Variants in CSMD1 observed in about 807,000 individuals in gnomAD.
CSMD1 encodes CUB and sushi domain-containing protein 1.
In CSMD1, 213 loss-of-function variants were observed where a neutral mutation model predicts 417.5. The ratio of observed to expected loss-of-function variants is 0.51; its 90% CI spans 0.46 to 0.57. CSMD1 has a LOEUF of 0.57. CSMD1 is among the 20% of genes least tolerant of loss of function. CSMD1 has a pLI of 0.00. For missense variants in CSMD1, 6,923 were observed against 4,529.7 expected, an observed-to-expected ratio of 1.53 and a Z score of -15.17; for synonymous variants, 2,862 against 1,736.8, an observed-to-expected ratio of 1.65 and a Z score of -16.11.
At chr8:3,681,085 C>T (rs1254865742) in intron 7 of CSMD1, among the ~76,000 whole-genome samples, 2 of 152,130 alleles carry the variant, frequency 1.3e-5, no homozygotes, top group Non-Finnish European at 2.9e-5. Context: ...CAATATCATA[C>T]TGAATGGGCA....
intron 53 of CSMD1, among the ~76,000 whole-genome samples, 167 bp downstream of exon 53, chr8:2,999,791 C>T (rs947074142): frequency 3.9e-5 from 6 of 151,982 alleles, no homozygotes; most frequent in Admixed American, 2.6e-4. Context: ...AAAAGGAAAG[C>T]GTGAACATGG....
intron 3 of CSMD1, among the ~76,000 whole-genome samples, chr8:4,322,469 G>C (rs74516786): frequency 0.017 from 2,522 of 152,212 alleles, 42 homozygotes; most frequent in Middle Eastern, 0.075. Flanking sequence ...ATAGCTCTTA[G>C]GGATTAAAAG....
At chr8:2,948,906 T>A (rs1802431730) in intron 68 of CSMD1, among the ~76,000 whole-genome samples, 2 of 151,868 alleles carry the variant, frequency 1.3e-5, no homozygotes, top group South Asian at 4.1e-4. Flanking sequence ...TATATAAATA[T>A]ATATATGTAT....
intron 5 of CSMD1, among the ~76,000 whole-genome samples, chr8:3,850,055 C>G (rs531874110): frequency 6.6e-6 from 1 of 152,166 alleles, no homozygotes; most frequent in Non-Finnish European, 1.5e-5. Context: ...CTCAGCCTCT[C>G]AAAGTGTTGG....
chr8:4,351,484 A>G (rs1282443791), intron 3 of CSMD1, among the ~76,000 whole-genome samples: 1 of 152,228 alleles, frequency 6.6e-6, no homozygotes, highest in African/African-American at 2.4e-5. Flanking sequence ...TACTGTGCCA[A>G]ATTTATAGAT....
intron 2 of CSMD1, among the ~76,000 whole-genome samples, chr8:4,459,068 G>C (rs1222517043): frequency 6.6e-6 from 1 of 152,254 alleles, no homozygotes; most frequent in East Asian, 1.9e-4. Flanking sequence ...AGGAAAACTA[G>C]ATTCTCTCTA....
At chr8:3,540,958 G>T (rs2117563920) in intron 10 of CSMD1, among the ~76,000 whole-genome samples, 1 of 152,342 alleles carries the variant, frequency 6.6e-6, no homozygotes, top group East Asian at 1.9e-4. Flanking sequence ...AACCATTGTG[G>T]AGGACAGTGT....
At position 4,083,665 on chromosome 8, in the gene CSMD1, C is replaced by G. The variant is rs911058828; in HGVS notation, c.416-51566G>C. Among the ~76,000 whole-genome samples the G allele has an allele frequency of 3.9e-5, 6 of 152,232 alleles. No homozygotes were observed. In the South Asian group the frequency reaches 1.2e-3, roughly 32 times the overall value. Reference sequence around the variant, plus strand: ...GTAGAAAGCTGAAACTGGATCCCTTCCTTACACCTTATACAAAAATCAATT... The same window carrying G: ...GTAGAAAGCTGAAACTGGATCCCTTGCTTACACCTTATACAAAAATCAATT... On this transcript the variant is annotated intron_variant, in intron 3 of 69. Coordinates refer to ENST00000635120, the MANE Select transcript of CSMD1 (RefSeq NM_033225.6).
intron 10 of CSMD1, among the ~76,000 whole-genome samples, chr8:3,513,348 T>G (rs1585283686): frequency 6.6e-6 from 1 of 151,844 alleles, no homozygotes; most frequent in Admixed American, 6.6e-5. Flanking sequence ...ATTTTTTTTT[T>G]TTTTTGAGAT....
chr8:4,550,727 G>A (rs969964661), intron 2 of CSMD1, among the ~76,000 whole-genome samples: 1 of 152,110 alleles, frequency 6.6e-6, no homozygotes, highest in African/African-American at 2.4e-5. Context: ...AGTGTCACAT[G>A]TTTAAAATCA....
At position 3,226,109 on chromosome 8, in the gene CSMD1, G is replaced by T. The variant is rs10094366; in HGVS notation, c.4346-2242C>A. 6.4e-3 allele frequency among the ~76,000 whole-genome samples: 970 copies of T among 152,276 alleles called. 6 individuals are homozygous for T. Among genetic ancestry groups the T allele is most frequent in the African/African-American group, 0.022 (922 of 41,550 alleles). On this transcript the variant is annotated intron_variant, in intron 27 of 69. Transcript: ENST00000635120. ...CATTTGAATGTTCACACCGTTGGGG[G>T]CGATAAATATTTTCTAAATAGACAC...
chr8:3,620,257 T>C (rs868270741), intron 7 of CSMD1, among the ~76,000 whole-genome samples: 10 of 152,264 alleles, frequency 6.6e-5, no homozygotes, highest in Middle Eastern at 3.4e-3. Flanking sequence ...AGTGAGTTTA[T>C]TACCAATGTA....
chr8:4,415,211 G>T (rs1045989248), intron 3 of CSMD1, among the ~76,000 whole-genome samples: 2 of 152,036 alleles, frequency 1.3e-5, no homozygotes, highest in African/African-American at 4.8e-5. Context: ...AGGATCATCC[G>T]CCTCCGCTCC....
intron 3 of CSMD1, among the ~76,000 whole-genome samples, chr8:4,272,670 T>C (rs1295115251): frequency 2.6e-5 from 4 of 152,204 alleles, no homozygotes; most frequent in Admixed American, 6.5e-5. Context: ...AAACCGACTG[T>C]AGATGAACAT....
Position 4,417,797 on chromosome 8 carries a change from T to C in CSMD1, c.415+2156A>G, listed in dbSNP as rs187719603. Among the ~76,000 whole-genome samples the C allele has an allele frequency of 1.4e-3, 212 of 152,190 alleles. 1 individual carries two copies. Among genetic ancestry groups the C allele is most frequent in the South Asian group, 4.1e-3 (20 of 4,828 alleles). On this transcript the variant is annotated intron_variant, in intron 3 of 69. Transcript: ENST00000635120. ...ATTAATTCTACTTCATATACATATA[T>C]ATACATGTACAAATTGGTGTATTTG...
chr8:3,757,507 T>C (rs953080989), intron 5 of CSMD1, among the ~76,000 whole-genome samples: 5 of 152,208 alleles, frequency 3.3e-5, no homozygotes, highest in Non-Finnish European at 5.9e-5. Flanking sequence ...TCTTAGCTGA[T>C]GGGCCAGATT....
At chr8:4,216,124 C>A (rs1451760403) in intron 3 of CSMD1, among the ~76,000 whole-genome samples, 1 of 152,134 alleles carries the variant, frequency 6.6e-6, no homozygotes, top group Non-Finnish European at 1.5e-5. Flanking sequence ...TGGCTGCCAC[C>A]TGCCTTTTTT....
At chr8:4,308,855 C>A (rs1018643757) in intron 3 of CSMD1, among the ~76,000 whole-genome samples, 2 of 152,062 alleles carry the variant, frequency 1.3e-5, no homozygotes, top group Admixed American at 1.3e-4. Flanking sequence ...ATATCAAAGG[C>A]ATGTAATGAT....
At chr8:3,783,353 T>C (rs564587236) in intron 5 of CSMD1, among the ~76,000 whole-genome samples, 60 of 152,326 alleles carry the variant, frequency 3.9e-4, no homozygotes, top group African/African-American at 1.4e-3. Context: ...TACAACTCTG[T>C]GAGCAAAGCA....
Sources: allele counts gnomAD v4.1 joint callset (sites outside exome capture counted in the v4.1 genomes callset), GRCh38; gene constraint gnomAD v4.1.1; transcripts MANE v1.5; gene names NCBI Gene and HGNC (gene_info 2026-07-23, HGNC 2026-07-21).